EML6: variants seen among roughly 807,000 people sequenced by gnomAD.
EML6 encodes the protein EMAP like 6.
EML6 carries 154 observed loss-of-function variants against 240.1 expected under a neutral mutation model. The ratio of observed to expected loss-of-function variants is 0.64; its 90% CI spans 0.56 to 0.73. The LOEUF (loss-of-function observed/expected upper bound fraction) is 0.73, where lower values mean the gene tolerates loss of function less well. Ranked by LOEUF, EML6 falls within the 30% of genes least tolerant of loss-of-function variation. EML6 has a pLI of 0.00. For synonymous variants in EML6, 1,148 were observed against 899.0 expected (o/e 1.28, Z -4.95); for missense variants, 2,964 against 2,474.6 (o/e 1.20, Z -4.20).
Position 54,916,891 on chromosome 2 carries a change from G to A in EML6, c.3631G>A (p.Gly1211Arg), listed in dbSNP as rs1467166268. 7 of 1,547,960 alleles carry A rather than the reference G, an allele frequency of 4.5e-6. No homozygotes were observed. Among genetic ancestry groups the A allele is most frequent in the Middle Eastern group, 3.3e-4 (2 of 5,994 alleles). ...LTKDCSLLATGDDFGFVKLFS... is the reference protein window; with the variant it reads ...LTKDCSLLATRDDFGFVKLFS... ...CAAAGACTGTTCCCTTTTAGCCACCGGAGATGATTTTGGTTTCGTTAAGCT... is the reference window on the plus strand; with the variant it reads ...CAAAGACTGTTCCCTTTTAGCCACCAGAGATGATTTTGGTTTCGTTAAGCT... The change falls in exon 26 of 42, where the codon GGA (glycine) becomes AGA (arginine). Residue 1211 changes from glycine (G) to arginine (R), a missense_variant. Transcript: ENST00000356458.
chr2:54,966,854 G>C, intron 38 of EML6, 146 bp from the exon 39 acceptor site: 1 of 559,422 alleles, frequency 1.8e-6, no homozygotes, highest in Non-Finnish European at 3.3e-6. Context: ...GCTGGCCATA[G>C]GCTTTGCAGC....
chr2:54,910,818 A>G, intron 24 of EML6, 136 bp from the exon 25 acceptor site: 1 of 555,982 alleles, frequency 1.8e-6, no homozygotes, highest in Non-Finnish European at 3.3e-6. Context: ...TGCCCTTCTG[A>G]ATAATTCAAA....
At chr2:54,967,304 C>T (rs1331918315) in intron 39 of EML6, 8 of 365,834 alleles carry the variant, frequency 2.2e-5, no homozygotes, top group East Asian at 9.6e-5. Flanking sequence ...TTTTGAAATG[C>T]GAAGCCCCTC....
intron 38 of EML6, among the ~76,000 whole-genome samples, chr2:54,966,200 C>T (rs891559223): frequency 2.0e-5 from 3 of 152,136 alleles, no homozygotes; most frequent in East Asian, 1.9e-4. Flanking sequence ...TACAGCATTC[C>T]GGGGAGCATG....
chr2:54,880,278 G>A (rs1225489187), intron 17 of EML6: 1 of 152,110 alleles, frequency 6.6e-6, no homozygotes, highest in Non-Finnish European at 1.5e-5. Flanking sequence ...CCTGATCAGG[G>A]GTCAAAATAG....
At chr2:54,902,053 C>G (rs1172850309) in intron 22 of EML6, among the ~76,000 whole-genome samples, 2 of 152,142 alleles carry the variant, frequency 1.3e-5, no homozygotes, top group Admixed American at 6.5e-5. Flanking sequence ...GAGGCAAGAA[C>G]AACATCTTTC....
intron 2 of EML6, among the ~76,000 whole-genome samples, chr2:54,805,784 C>T (rs796549550): frequency 2.6e-5 from 4 of 152,130 alleles, no homozygotes; most frequent in African/African-American, 9.6e-5. Flanking sequence ...TTTTTTCTAT[C>T]AATTACTTGG....
intron 17 of EML6, among the ~76,000 whole-genome samples, chr2:54,884,990 G>T (rs1040108697): frequency 6.6e-6 from 1 of 151,868 alleles, no homozygotes; most frequent in African/African-American, 2.4e-5. Context: ...CCCGGCCCCC[G>T]TCTCTACTAA....
At chr2:54,902,045 G>A (rs1035476625) in intron 22 of EML6, among the ~76,000 whole-genome samples, 15 of 152,154 alleles carry the variant, frequency 9.9e-5, no homozygotes, top group South Asian at 6.2e-4. Flanking sequence ...TGACAGAAGA[G>A]GCAAGAACAA....
intron 2 of EML6, among the ~76,000 whole-genome samples, chr2:54,796,687 G>A (rs1490835178): frequency 6.6e-6 from 1 of 152,090 alleles, no homozygotes. Context: ...AGGGATTTAA[G>A]CATACTAGGC....
intron 7 of EML6, among the ~76,000 whole-genome samples, chr2:54,835,406 G>A (rs1669088955): frequency 2.0e-5 from 3 of 152,176 alleles, no homozygotes; most frequent in Admixed American, 2.0e-4. Flanking sequence ...GGAGCCTTGT[G>A]GAGGAGCGCA....
intron 24 of EML6, among the ~76,000 whole-genome samples, chr2:54,909,690 T>C (rs1673535922): frequency 6.6e-6 from 1 of 151,508 alleles, no homozygotes; most frequent in African/African-American, 2.4e-5. Flanking sequence ...TACTAAAAAA[T>C]AGAATTAGCC....
At chr2:54,766,096 A>G (rs757599687) in intron 2 of EML6, among the ~76,000 whole-genome samples, 2 of 152,196 alleles carry the variant, frequency 1.3e-5, no homozygotes, top group African/African-American at 2.4e-5. Flanking sequence ...ATGTAGATAC[A>G]TATTTTTTTC....
At chr2:54,747,361 C>T (rs1386676240) in intron 2 of EML6, 4 of 152,206 alleles carry the variant, frequency 2.6e-5, no homozygotes, top group Non-Finnish European at 5.9e-5. Context: ...GATACCCTTT[C>T]TTTTCATGCC....
chr2:54,884,038 A>G (rs1470529510), intron 17 of EML6, among the ~76,000 whole-genome samples: 8 of 152,170 alleles, frequency 5.3e-5, no homozygotes, highest in African/African-American at 1.9e-4. Flanking sequence ...ACCAGCAAGC[A>G]AACAATTCTG....
At chr2:54,730,787 G>A (rs996422256) in intron 2 of EML6, among the ~76,000 whole-genome samples, 1 of 152,124 alleles carries the variant, frequency 6.6e-6, no homozygotes, top group African/African-American at 2.4e-5. Flanking sequence ...TCTAAGTTGG[G>A]TGTAATTTAT....
At chr2:54,833,652 C>A (rs1251091722) in intron 7 of EML6, among the ~76,000 whole-genome samples, 1 of 152,200 alleles carries the variant, frequency 6.6e-6, no homozygotes, top group Non-Finnish European at 1.5e-5. Flanking sequence ...ATGTCACTCA[C>A]ATGATGAGGA....
intron 2 of EML6, among the ~76,000 whole-genome samples, chr2:54,766,376 A>C (rs768089617): frequency 1.3e-5 from 2 of 152,150 alleles, no homozygotes; most frequent in African/African-American, 2.4e-5. Context: ...TGTCTTTCAT[A>C]ACCTTGATAC....
intron 2 of EML6, among the ~76,000 whole-genome samples, chr2:54,789,691 A>T (rs1373032155): frequency 2.6e-5 from 4 of 152,092 alleles, no homozygotes; most frequent in Non-Finnish European, 5.9e-5. Flanking sequence ...ACTCTACCTT[A>T]TTTAATTATA....
Sources: allele counts gnomAD v4.1 joint callset (sites outside exome capture counted in the v4.1 genomes callset), GRCh38; gene constraint gnomAD v4.1.1; transcripts MANE v1.5; gene names NCBI Gene and HGNC (gene_info 2026-07-23, HGNC 2026-07-21).